The following WAPL variants were observed in gnomAD, a reference collection of about 807,000 sequenced individuals.
WAPL encodes the protein WAPL cohesin release factor, also known as wings apart-like protein homolog.
WAPL carries 5 observed loss-of-function variants against 121.0 expected under a neutral mutation model. The ratio of observed to expected loss-of-function variants is 0.04; its 90% confidence interval spans 0.02 to 0.09. WAPL has a LOEUF of 0.09. Ranked by LOEUF, WAPL falls within the 10% of genes least tolerant of loss-of-function variation. WAPL has a pLI of 1.00. For missense variants in WAPL, 999 were observed against 1,410.8 expected, an observed-to-expected ratio of 0.71 and a Z score of 4.68; for synonymous variants, 480 against 481.5, an observed-to-expected ratio of 1.00 and a Z score of 0.04.
intron 4 of WAPL, among the ~76,000 whole-genome samples, chr10:86,481,192 G>GT (rs1289974438): frequency 2.6e-5 from 4 of 152,002 alleles, no homozygotes; most frequent in Non-Finnish European, 5.9e-5. Flanking sequence ...CAGTCAACAT[G>GT]TAAGAGAATG....
chr10:86,443,608 G>T (rs1849528516), intron 16 of WAPL: 2 of 431,030 alleles, frequency 4.6e-6, no homozygotes, highest in Non-Finnish European at 8.3e-6. Flanking sequence ...TTAACAAACT[G>T]AAAAGATTAA....
chr10:86,479,155 A>G lies in WAPL; in HGVS notation c.1645-5182T>C, dbSNP rs575705231. Among the ~76,000 whole-genome samples, 4 of 152,280 alleles carry G rather than the reference A, an allele frequency of 2.6e-5. No individual in the cohort carries two copies. In the East Asian group the frequency reaches 7.7e-4, roughly 29 times the overall value. ...CAACAACAACAAAAACAGAGGAAAG[A>G]AAGCATTCCTTCCTGAAAATCTAAG... On this transcript the variant is annotated intron_variant, in intron 4 of 18. Transcript: ENST00000298767.
intron 4 of WAPL, among the ~76,000 whole-genome samples, chr10:86,490,968 C>T (rs1842033783): frequency 6.6e-6 from 1 of 151,090 alleles, no homozygotes; most frequent in Non-Finnish European, 1.5e-5. Flanking sequence ...GAGGCTGAGG[C>T]AGGAGAAGCA....
At chr10:86,496,113 T>A (rs1288462792) in intron 4 of WAPL, among the ~76,000 whole-genome samples, 1 of 152,030 alleles carries the variant, frequency 6.6e-6, no homozygotes, top group Non-Finnish European at 1.5e-5. Flanking sequence ...AAACTCCATC[T>A]AAAACAAACA....
chr10:86,486,199 A>G (rs1841928277), intron 4 of WAPL, among the ~76,000 whole-genome samples: 1 of 152,246 alleles, frequency 6.6e-6, no homozygotes, highest in South Asian at 2.1e-4. Context: ...GTCCCCATAC[A>G]TATAACAAAG....
chr10:86,459,784 T>C (rs887072219), intron 11 of WAPL, among the ~76,000 whole-genome samples: 1 of 152,160 alleles, frequency 6.6e-6, no homozygotes, highest in Non-Finnish European at 1.5e-5. Flanking sequence ...CTACAAACAA[T>C]GTAGTCAAGT....
At chr10:86,468,823 G>A (rs188250468) in intron 8 of WAPL, among the ~76,000 whole-genome samples, 34 of 151,818 alleles carry the variant, frequency 2.2e-4, no homozygotes, top group African/African-American at 8.0e-4. Context: ...AAATTAGGCC[G>A]GGCGCAGTGG....
At position 86,437,436 on chromosome 10, in the gene WAPL, T is replaced by C; in HGVS notation, c.*107A>G. ...TTAAAAATCCAAACACGAATGATAC[T>C]GATGAATGTTCTTGGTATATCTTCA... On this transcript the variant is annotated 3_prime_UTR_variant, in exon 19 of 19. Coordinates refer to ENST00000298767, the MANE Select transcript of WAPL (RefSeq NM_015045.5). 1 of 1,183,528 alleles carries C rather than the reference T, an allele frequency of 8.4e-7. No individual in the cohort carries two copies. Among genetic ancestry groups the C allele is most frequent in the Non-Finnish European group, 1.2e-6 (1 of 844,678 alleles). The allele number at this position is 1,183,528 out of a possible 1,614,324, so 73.3% of individuals were successfully genotyped here.
At chr10:86,440,907 A>G (rs1849454645) in intron 17 of WAPL, among the ~76,000 whole-genome samples, 1 of 151,844 alleles carries the variant, frequency 6.6e-6, no homozygotes, top group African/African-American at 2.4e-5. Flanking sequence ...AGGCAATACA[A>G]AGAATTAGAT....
chr10:86,438,410 T>C (rs6586010), intron 17 of WAPL, among the ~76,000 whole-genome samples: 133,047 of 152,204 alleles, frequency 0.87, 58,602 homozygotes, highest in Non-Finnish European at 0.92. Flanking sequence ...CGTGCCACCA[T>C]GCCTGGCTAA....
At chr10:86,508,499 T>G (rs1842393086) in intron 2 of WAPL, among the ~76,000 whole-genome samples, 1 of 152,018 alleles carries the variant, frequency 6.6e-6, no homozygotes. Context: ...CTTTAACAAG[T>G]TGTAAACACT....
chr10:86,477,932 G>T (rs1440280814), intron 4 of WAPL, among the ~76,000 whole-genome samples: 2 of 151,846 alleles, frequency 1.3e-5, no homozygotes, highest in Non-Finnish European at 2.9e-5. Context: ...GTAGGTGCCT[G>T]TAATCCCCGC....
chr10:86,512,851 G>GT (rs34162732), intron 2 of WAPL, among the ~76,000 whole-genome samples: 51,697 of 151,262 alleles, frequency 0.34, 9,490 homozygotes, highest in Non-Finnish European at 0.42. Context: ...AGTACATGAG[G>GT]TTTTTTTTTA....
intron 8 of WAPL, among the ~76,000 whole-genome samples, chr10:86,470,388 T>C (rs1324125822): frequency 6.6e-6 from 1 of 152,186 alleles, no homozygotes; most frequent in African/African-American, 2.4e-5. Context: ...GAACATAATT[T>C]CTTTAACAAA....
At chr10:86,490,509 T>TA (rs1589526324) in intron 4 of WAPL, among the ~76,000 whole-genome samples, 2 of 151,946 alleles carry the variant, frequency 1.3e-5, no homozygotes, top group African/African-American at 2.4e-5. Flanking sequence ...ATAACTAAGT[T>TA]AAAAAAACAG....
intron 4 of WAPL, among the ~76,000 whole-genome samples, chr10:86,474,831 A>C (rs533964871): frequency 6.6e-6 from 1 of 152,384 alleles, no homozygotes; most frequent in African/African-American, 2.4e-5. Flanking sequence ...CAATCTTCCA[A>C]CAATGGGAAT....
chr10:86,492,702 C>T (rs1160535949), intron 4 of WAPL, among the ~76,000 whole-genome samples: 1 of 152,136 alleles, frequency 6.6e-6, no homozygotes, highest in Non-Finnish European at 1.5e-5. Context: ...CAGTAGGAAA[C>T]AATCAGATAA....
At chr10:86,438,174 T>G (rs184705209) in intron 17 of WAPL, among the ~76,000 whole-genome samples, 159 bp from the exon 18 acceptor site, 2 of 152,318 alleles carry the variant, frequency 1.3e-5, no homozygotes, top group East Asian at 3.9e-4. Flanking sequence ...CTGCATGTGA[T>G]TTCCTACCTC....
At chr10:86,467,611 A>T in intron 8 of WAPL, 105 bp from the exon 9 acceptor site, 1 of 831,020 alleles carries the variant, frequency 1.2e-6, no homozygotes, top group Non-Finnish European at 1.8e-6. Context: ...GTTAATGCTT[A>T]AAACTTATAT....
Sources: allele counts gnomAD v4.1 joint callset (sites outside exome capture counted in the v4.1 genomes callset), GRCh38; gene constraint gnomAD v4.1.1; transcripts MANE v1.5; gene names NCBI Gene and HGNC (gene_info 2026-07-23, HGNC 2026-07-21).